Variants in ZNF749 observed in about 807,000 individuals in gnomAD.
ZNF749 encodes zinc finger protein 749.
In ZNF749, 8 loss-of-function variants were observed where a neutral mutation model predicts 7.3. That is an observed-to-expected ratio of 1.10 (90% CI 0.64 to 1.98). The LOEUF (loss-of-function observed/expected upper bound fraction) is 1.98. Among genes scored for constraint, ZNF749 ranks in the 30% most tolerant of loss-of-function variants. The probability of loss-of-function intolerance (pLI) is 0.00; values close to 1 mark genes in which losing one functional copy is unlikely to be tolerated. For missense variants in ZNF749, 898 were observed against 932.4 expected, an observed-to-expected ratio of 0.96 and a Z score of 0.48; for synonymous variants, 310 against 322.4, an observed-to-expected ratio of 0.96 and a Z score of 0.41.
At chr19:57,429,876 CTTG>C in the ZNF749 span, among the ~76,000 whole-genome samples, 15 of 152,292 alleles carry the variant, frequency 9.8e-5, no homozygotes, top group South Asian at 2.5e-3. This position sits in a 1 kb window ranked among gnomAD's most constrained non-coding sequence, Gnocchi z 4.2. Context: ...CTTGACAACA[CTTG>C]TTGTGTTCTT....
In ZNF749 at chr19:57,444,601, T is replaced by C. The variant is rs138412449; in HGVS notation, c.1453T>C (p.Cys485Arg). ...RIDIRPRPYT[C>R]SECGKAFLTQ... is the part of the protein sequence containing the mutation. ...TGACATTAGGCCAAGGCCTTATACA[T>C]GCAGTGAATGTGGGAAGGCCTTCCT... is the stretch of plus-strand genomic sequence containing the variant. Residue 485 changes from cysteine to arginine, a missense_variant, in exon 3 of 3, where the codon TGC becomes CGC. By Grantham distance (180) the Cys-to-Arg change is radical (BLOSUM62 -3). Coordinates refer to ENST00000334181, the MANE Select transcript of ZNF749 (RefSeq NM_001023561.4). 1.8e-5 allele frequency: 29 copies of C among 1,613,680 alleles called. No homozygotes were observed. Among genetic ancestry groups the C allele is most frequent in the Non-Finnish European group, 2.5e-5 (29 of 1,179,908 alleles).
Position 57,439,459 on chromosome 19 carries a change from C to A in ZNF749, c.16-2426C>A, listed in dbSNP as rs1399890994. Among the ~76,000 whole-genome samples the A allele has an allele frequency of 1.3e-5, 2 of 152,090 alleles. No individual in the cohort carries two copies. Among genetic ancestry groups the A allele is most frequent in the Non-Finnish European group, 2.9e-5 (2 of 68,030 alleles). On this transcript the variant is annotated intron_variant, in intron 1 of 2. Coordinates refer to ENST00000334181, the MANE Select transcript of ZNF749 (RefSeq NM_001023561.4). The surrounding 1 kb of genome is among the most constrained non-coding windows in gnomAD (Gnocchi z 4.3). ...TTTATATAGTAGAGCATATGAGGAA[C>A]CAAGTTTTGGCCAAGTCAAAAATGT... is the stretch of plus-strand genomic sequence containing the variant.
chr19:57,445,561 A>T lies in ZNF749; in HGVS notation c.*76A>T. ...AAGGTTCACATCGGACCAAGAACCT[A>T]TTAATATATGTAAATCTAATGTTGA... On this transcript the variant is annotated 3_prime_UTR_variant, in exon 3 of 3. Transcript: ENST00000334181. The T allele has an allele frequency of 6.6e-7, 1 of 1,519,968 alleles. No individual in the cohort carries two copies. Among genetic ancestry groups the T allele is most frequent in the East Asian group, 2.3e-5 (1 of 44,152 alleles). 94.2% of individuals were successfully genotyped at this position (1,519,968 alleles called of 1,614,324 possible). A position where few individuals can be genotyped will look rare whatever the true frequency, so the allele number is the denominator to read the frequency against.
In ZNF749 at chr19:57,442,285, G is replaced by A. The variant is rs763150820; in HGVS notation, c.142+274G>A. Among the ~76,000 whole-genome samples, 3 of 152,180 alleles carry A rather than the reference G, an allele frequency of 2.0e-5. No individual in the cohort carries two copies. Among genetic ancestry groups the A allele is most frequent in the Non-Finnish European group, 4.4e-5 (3 of 68,028 alleles). ...TTCTTTAAGATATCCTAATGGCGGT[G>A]CCTGTCCCTGGTTTGATTACTCTGT... On this transcript the variant is annotated intron_variant, in intron 2 of 2. Coordinates refer to ENST00000334181, the MANE Select transcript of ZNF749 (RefSeq NM_001023561.4). The surrounding 1 kb of genome is among the most constrained non-coding windows in gnomAD (Gnocchi z 6.6).
rs546660884 is a variant in ZNF749, at chr19:57,436,583, C to T, written c.15+990C>T. On this transcript the variant is annotated intron_variant, in intron 1 of 2. Transcript: ENST00000334181. The surrounding 1 kb of genome is among the most constrained non-coding windows in gnomAD (Gnocchi z 4.0). ...GACTGAGGCATGAGATAATTGTAGT[C>T]ACTCCACCCTTCTAACTCAGCTGGC... Among the ~76,000 whole-genome samples, 1 of 152,270 alleles carries T rather than the reference C, an allele frequency of 6.6e-6. No individual in the cohort carries two copies. The highest frequency in any genetic ancestry group is 2.4e-5 in the African/African-American group (1 of 41,554).
upstream of ZNF749, among the ~76,000 whole-genome samples, chr19:57,433,106 TGAG>T (rs1401534253): frequency 7.8e-6 from 1 of 128,914 alleles, no homozygotes; most frequent in South Asian, 2.7e-4. Context: ...GCTATAGTCT[TGAG>T]GAGTGTGTGT....
Position 57,445,469 on chromosome 19 carries a change from CT to C in ZNF749, c.2322del (p.Gly775GlufsTer55), listed in dbSNP as rs765683630. On this transcript the variant is annotated frameshift_variant, in exon 3 of 3. Coordinates refer to ENST00000334181, the MANE Select transcript of ZNF749 (RefSeq NM_001023561.4). LOFTEE classifies it high-confidence loss of function. ...SSLIKHQIIH[T>X]GKRP ...CTCATTAAACATCAGATAATTCATA[CT>C]GGAAAAAGGCCTTAGTGGAGTGAAT... 1 of 1,608,216 alleles carries C rather than the reference CT, an allele frequency of 6.2e-7. No individual in the cohort carries two copies. Among genetic ancestry groups the C allele is most frequent in the East Asian group, 2.2e-5 (1 of 44,832 alleles).
intron 2 of ZNF749, among the ~76,000 whole-genome samples, 196 bp from the exon 3 acceptor site, chr19:57,443,095 C>A (rs770416529): frequency 2.6e-5 from 4 of 152,178 alleles, no homozygotes; most frequent in Non-Finnish European, 2.9e-5. Flanking sequence ...TGTGTCCTTA[C>A]CACCAGGATT....
upstream of ZNF749, among the ~76,000 whole-genome samples, chr19:57,433,412 GGTCAGA>G (rs1185245623): frequency 1.3e-5 from 2 of 152,002 alleles, no homozygotes; most frequent in African/African-American, 4.8e-5. Context: ...GTAGATTATG[GGTCAGA>G]GTCAATTTTT....
chr19:57,437,012 AAAG>A (rs1256606512), intron 1 of ZNF749, among the ~76,000 whole-genome samples: 9 of 152,296 alleles, frequency 5.9e-5, no homozygotes, highest in African/African-American at 1.9e-4. Context: ...TTTAAGGAAA[AAAG>A]AAGCAGTTTC....
rs1367467130 is a variant in ZNF749 at position 57,446,916 on chromosome 19, T to G, written c.*1431T>G. Reference sequence around the variant, plus strand: ...AAAATGTATGAAAAATGGTAAAAACTTTATAGGGCACTAACATGAACGAAG... The same window carrying G: ...AAAATGTATGAAAAATGGTAAAAACGTTATAGGGCACTAACATGAACGAAG... On this transcript the variant is annotated 3_prime_UTR_variant, in exon 3 of 3. Coordinates refer to ENST00000334181, the MANE Select transcript of ZNF749 (RefSeq NM_001023561.4). Among the ~76,000 whole-genome samples, 3 of 152,168 alleles carry G rather than the reference T, an allele frequency of 2.0e-5. No homozygotes were observed. The highest frequency in any genetic ancestry group is 2.9e-5 in the Non-Finnish European group (2 of 68,036).
In ZNF749 at chr19:57,437,723, C is replaced by CAA. The variant is rs35006340; in HGVS notation, c.15+2147_15+2148dup. ...TGGGCAACAGGGCGAGACACTGTCT[C>CAA]AAAAAAAAAAAAAAAAAAGGGAAAA... On this transcript the variant is annotated intron_variant, in intron 1 of 2. Transcript: ENST00000334181. 3.2e-3 allele frequency among the ~76,000 whole-genome samples: 179 copies of CAA among 55,944 alleles called. 1 individual carries two copies. The highest frequency in any genetic ancestry group is 8.9e-3 in the African/African-American group (131 of 14,786). 36.7% of individuals were successfully genotyped at this position (55,944 alleles called of 152,430 possible).
rs2089001124 is a variant in ZNF749 at position 57,442,441 on chromosome 19, C to T, written c.142+430C>T. Among the ~76,000 whole-genome samples the T allele has an allele frequency of 6.6e-6, 1 of 152,196 alleles. No individual in the cohort carries two copies. The highest frequency in any genetic ancestry group is 2.4e-5 in the African/African-American group (1 of 41,434). On this transcript the variant is annotated intron_variant, in intron 2 of 2. Coordinates refer to ENST00000334181, the MANE Select transcript of ZNF749 (RefSeq NM_001023561.4). This position sits in a 1 kb window ranked among gnomAD's most constrained non-coding sequence, Gnocchi z 6.6. ...TGTGAGGATTGTGAAGTTATTTCTG[C>T]AGGACGCTCTACTGGGTGTTCTGGT...
chr19:57,440,931 G>A lies in ZNF749; in HGVS notation c.16-954G>A, dbSNP rs1046688603. 1.1e-4 allele frequency among the ~76,000 whole-genome samples: 17 copies of A among 151,910 alleles called. 1 individual carries two copies. Among genetic ancestry groups the A allele is most frequent in the South Asian group, 8.4e-4 (4 of 4,788 alleles). ...TCACGAGGTCAGGAGTTCGAGACCC[G>A]CCTGCCCAACATGGGGAAACCCCGT... On this transcript the variant is annotated intron_variant, in intron 1 of 2. Coordinates refer to ENST00000334181, the MANE Select transcript of ZNF749 (RefSeq NM_001023561.4).
chr19:57,446,747 G>A lies in ZNF749; in HGVS notation c.*1262G>A, dbSNP rs1012800355. On this transcript the variant is annotated 3_prime_UTR_variant, in exon 3 of 3. Transcript: ENST00000334181. Reference sequence around the variant, plus strand: ...AAACCTGAAGGGCACAGCCTATTACGCACCTAGGCTATATGATATGGTCCA... The same window carrying A: ...AAACCTGAAGGGCACAGCCTATTACACACCTAGGCTATATGATATGGTCCA... 8.5e-5 allele frequency among the ~76,000 whole-genome samples: 13 copies of A among 152,104 alleles called. No homozygotes were observed. Among genetic ancestry groups the A allele is most frequent in the African/African-American group, 3.1e-4 (13 of 41,406 alleles).
At chr19:57,443,218 C>G in intron 2 of ZNF749, 73 bp from the exon 3 acceptor site, 1 of 1,348,390 alleles carries the variant, frequency 7.4e-7, no homozygotes, top group South Asian at 1.3e-5. Flanking sequence ...GTGTGTCTCA[C>G]AGACATTTGT....
intron 1 of ZNF749, among the ~76,000 whole-genome samples, chr19:57,440,871 T>C (rs1382606245): frequency 6.6e-6 from 1 of 151,940 alleles, no homozygotes. Context: ...CTCATGTCTG[T>C]AATCCCAGCA....
intron 1 of ZNF749, among the ~76,000 whole-genome samples, chr19:57,435,999 G>A (rs572977616): frequency 6.6e-6 from 1 of 152,314 alleles, no homozygotes; most frequent in Admixed American, 6.5e-5. Context: ...CCGCTGAGGA[G>A]ACCCCTTGAG....
chr19:57,440,125 G>A (rs542219677), intron 1 of ZNF749, among the ~76,000 whole-genome samples: 58 of 152,180 alleles, frequency 3.8e-4, no homozygotes, highest in African/African-American at 1.4e-3. Flanking sequence ...TTTGAGGGGA[G>A]AGTGGCCATG....
Sources: gnomAD v4.1 joint callset for allele counts (sites outside exome capture counted in the v4.1 genomes callset) on GRCh38, gnomAD v4.1.1 for gene constraint, Gnocchi (gnomAD v3.1) non-coding constraint, MANE v1.5 for transcripts, NCBI Gene and HGNC (gene_info 2026-07-23, HGNC 2026-07-21) for gene names.